ADGRL3: variants seen among roughly 807,000 people sequenced by gnomAD.
ADGRL3 encodes adhesion G protein-coupled receptor L3, also known as calcium-independent alpha-latrotoxin receptor 3.
In ADGRL3, 62 loss-of-function variants were observed where a neutral mutation model predicts 153.5. The observed-to-expected ratio is 0.40, with a 90% CI of 0.33 to 0.50. The LOEUF (loss-of-function observed/expected upper bound fraction) is 0.50. Among genes scored for constraint, ADGRL3 ranks in the 20% least tolerant of loss-of-function variants. The probability of loss-of-function intolerance (pLI) is 0.47; values close to 1 mark genes in which losing one functional copy is unlikely to be tolerated. For synonymous variants in ADGRL3, 710 were observed against 672.5 expected (o/e 1.06, Z -0.86); for missense variants, 1,641 against 1,859.4 (o/e 0.88, Z 2.16).
intron 8 of ADGRL3, chr4:61,775,434 CAA>C: frequency 1.6e-6 from 1 of 637,802 alleles, no homozygotes; most frequent in East Asian, 3.3e-5. Context: ...GTGTGTGTGC[CAA>C]AGATTTATGT....
intron 9 of ADGRL3, among the ~76,000 whole-genome samples, chr4:61,823,389 A>G (rs189652916): frequency 5.3e-5 from 8 of 152,342 alleles, no homozygotes; most frequent in Non-Finnish European, 1.0e-4. Context: ...TTGATCTAAT[A>G]TAATTCATAT....
chr4:61,506,467 T>G (rs2098429801), intron 3 of ADGRL3, among the ~76,000 whole-genome samples: 1 of 152,116 alleles, frequency 6.6e-6, no homozygotes, highest in African/African-American at 2.4e-5. Context: ...CATCATTATA[T>G]TTAGGACTCG....
At position 61,909,705 on chromosome 4, in the gene ADGRL3, C is replaced by T; in HGVS notation, c.2033C>T (p.Thr678Ile). 2 of 1,579,814 alleles carry T rather than the reference C, an allele frequency of 1.3e-6. No individual in the cohort carries two copies. The highest frequency in any genetic ancestry group is 1.2e-5 in the South Asian group (1 of 86,556). The part of the protein sequence containing the change: ...GLLDVQLRNL[T>I]PGGKDSAARS... ...CTAGATGTACAGCTTCGGAACTTGA[C>T]CCCAGGTGGAAAAGATAGTGCTGCC... is the stretch of plus-strand genomic sequence containing the variant. Residue 678 changes from threonine (T) to isoleucine (I), a missense_variant, in exon 12 of 27, where the codon ACC becomes ATC. Thr to Ile is a moderately conservative substitution (Grantham distance 89, BLOSUM62 -1). Around this residue, in one of 5 missense-constraint regions of ADGRL3, gnomAD observed 734 missense variants for 797.0 expected, o/e 0.92. Transcript: ENST00000683033.
chr4:61,514,306 A>T (rs2098479751), intron 3 of ADGRL3, among the ~76,000 whole-genome samples: 1 of 152,256 alleles, frequency 6.6e-6, no homozygotes, highest in African/African-American at 2.4e-5. Context: ...GAACATTCTA[A>T]CTTTCTAGCA....
intron 4 of ADGRL3, among the ~76,000 whole-genome samples, chr4:61,576,042 C>T (rs972300252): frequency 1.3e-5 from 2 of 151,886 alleles, no homozygotes; most frequent in Admixed American, 6.6e-5. Flanking sequence ...GCCTTTTCAC[C>T]GGTTTCCTGT....
chr4:61,792,735 G>A (rs997154034), intron 8 of ADGRL3, among the ~76,000 whole-genome samples: 4 of 151,884 alleles, frequency 2.6e-5, no homozygotes, highest in East Asian at 1.9e-4. Flanking sequence ...GGATCTGCCC[G>A]CCTCAGCCTC....
chr4:61,937,319 A>G lies in ADGRL3; in HGVS notation c.2419+1274A>G, dbSNP rs551036181. 4.6e-5 allele frequency among the ~76,000 whole-genome samples: 7 copies of G among 151,766 alleles called. No individual in the cohort carries two copies. The South Asian group carries it at 1.5e-3, about 32-fold the overall frequency. On this transcript the variant is annotated intron_variant, in intron 15 of 26. Coordinates refer to ENST00000683033, the MANE Select transcript of ADGRL3 (RefSeq NM_001387552.1). ...GCCACACCTCACATTTGTCTTCAGC[A>G]TGTTCTGTGTGATCCAGACAGAGTA...
intron 8 of ADGRL3, among the ~76,000 whole-genome samples, chr4:61,761,094 G>A (rs1436183286): frequency 1.3e-5 from 2 of 152,200 alleles, no homozygotes; most frequent in Non-Finnish European, 2.9e-5. Context: ...TCTGGGTGAT[G>A]CCAGCTGGTC....
chr4:61,666,933 G>C (rs1488366505), intron 5 of ADGRL3, among the ~76,000 whole-genome samples: 1 of 152,040 alleles, frequency 6.6e-6, no homozygotes, highest in Non-Finnish European at 1.5e-5. Flanking sequence ...TATTGATAAA[G>C]CATTTAACTA....
At chr4:61,262,181 G>A (rs992003338) in intron 1 of ADGRL3, among the ~76,000 whole-genome samples, 2 of 152,112 alleles carry the variant, frequency 1.3e-5, no homozygotes, top group African/African-American at 4.8e-5. Context: ...CAGTGTCCTG[G>A]CATGTGGTAT....
intron 2 of ADGRL3, among the ~76,000 whole-genome samples, chr4:61,423,228 T>C (rs2097230616): frequency 6.6e-6 from 1 of 152,190 alleles, no homozygotes; most frequent in Admixed American, 6.5e-5. Flanking sequence ...ATGTTGAAGT[T>C]GAGAGTCGAC....
intron 21 of ADGRL3, among the ~76,000 whole-genome samples, chr4:62,022,099 C>T (rs954372997): frequency 6.6e-6 from 1 of 151,124 alleles, no homozygotes; most frequent in Admixed American, 6.6e-5. Context: ...AAGTAAGGTT[C>T]TTGAAGGAAA....
intron 1 of ADGRL3, among the ~76,000 whole-genome samples, chr4:61,377,302 T>C (rs2096615308): frequency 6.6e-6 from 1 of 152,056 alleles, no homozygotes; most frequent in Non-Finnish European, 1.5e-5. Context: ...AATTATAATG[T>C]ATTTTAGTAT....
intron 25 of ADGRL3, among the ~76,000 whole-genome samples, chr4:62,058,813 A>G (rs1288809735): frequency 6.6e-6 from 1 of 152,188 alleles, no homozygotes; most frequent in Non-Finnish European, 1.5e-5. Flanking sequence ...AGGAAGAGGA[A>G]GAGACAGGGC....
At chr4:61,460,597 C>T (rs2097799954) in intron 2 of ADGRL3, among the ~76,000 whole-genome samples, 1 of 151,936 alleles carries the variant, frequency 6.6e-6, no homozygotes, top group Non-Finnish European at 1.5e-5. Flanking sequence ...TCCCATGCTG[C>T]TAATAAAGAC....
intron 25 of ADGRL3, chr4:62,063,619 T>C: frequency 1.4e-6 from 1 of 697,804 alleles, no homozygotes; most frequent in Non-Finnish European, 2.6e-6. Flanking sequence ...TCTGTCAGCA[T>C]GTACAACGCA....
chr4:61,957,553 T>TTATG (rs1390773787), intron 17 of ADGRL3, among the ~76,000 whole-genome samples: 160 of 128,758 alleles, frequency 1.2e-3, no homozygotes, highest in Non-Finnish European at 1.9e-3. Context: ...ATTTATGTAT[T>TTATG]TATTTATTTA....
intron 1 of ADGRL3, among the ~76,000 whole-genome samples, chr4:61,279,314 G>A (rs1487191740): frequency 6.6e-6 from 1 of 152,020 alleles, no homozygotes; most frequent in African/African-American, 2.4e-5. Context: ...GCATCTATTA[G>A]GTGAATAGTT....
intron 1 of ADGRL3, among the ~76,000 whole-genome samples, chr4:61,286,472 A>T (rs2093947016): frequency 2.0e-5 from 3 of 151,572 alleles, no homozygotes; most frequent in Admixed American, 1.3e-4. Context: ...AAAATTTAAA[A>T]TTTTTTTCTA....
Sources: gnomAD v4.1 joint callset for allele counts (sites outside exome capture counted in the v4.1 genomes callset) on GRCh38, gnomAD v4.1.1 for gene constraint, gnomAD v4.1.1 regional missense constraint, MANE v1.5 for transcripts, NCBI Gene and HGNC (gene_info 2026-07-23, HGNC 2026-07-21) for gene names.